The following TJP1 variants were observed in gnomAD, a reference collection of about 807,000 sequenced individuals.
TJP1 encodes the protein tight junction protein ZO-1.
Under a neutral mutation model 194.2 loss-of-function variants are expected in TJP1, and 43 were observed. The ratio of observed to expected loss-of-function variants is 0.22; its 90% confidence interval spans 0.17 to 0.29. The LOEUF (loss-of-function observed/expected upper bound fraction) is 0.29, where lower values mean the gene tolerates loss of function less well. TJP1 is among the 10% of genes least tolerant of loss of function. The pLI is 1.00. For missense variants in TJP1, 1,971 were observed against 2,185.7 expected, an observed-to-expected ratio of 0.90 and a Z score of 1.96; for synonymous variants, 801 against 779.0, an observed-to-expected ratio of 1.03 and a Z score of -0.47.
chr15:29,814,923 CAG>C (rs1432667248), intron 1 of TJP1, among the ~76,000 whole-genome samples: 3 of 152,174 alleles, frequency 2.0e-5, no homozygotes, highest in Non-Finnish European at 4.4e-5. Flanking sequence ...ACATATATGA[CAG>C]GGTTTTGTTA....
chr15:29,961,617 T>C (rs115337190), intron 1 of TJP1, among the ~76,000 whole-genome samples: 237 of 152,288 alleles, frequency 1.6e-3, no homozygotes, highest in African/African-American at 5.4e-3. Flanking sequence ...CATCAAACGC[T>C]GAAGTCCAGG....
intron 8 of TJP1, among the ~76,000 whole-genome samples, chr15:29,746,578 T>G (rs991324908): frequency 1.3e-5 from 2 of 151,914 alleles, no homozygotes; most frequent in Non-Finnish European, 2.9e-5. Context: ...GAGGGAAAAA[T>G]AGCCAAAATA....
Position 29,924,335 on chromosome 15 carries a change from T to G in TJP1, c.306+31897A>C, listed in dbSNP as rs185369104. ...ATCTGCCCATCTCGGCCTCCCAACA[T>G]GCTGGGATTACACGGATGAGCCACC... On this transcript the variant is annotated intron_variant, in intron 2 of 28. Coordinates refer to the TJP1 transcript ENST00000356107. Among the ~76,000 whole-genome samples, 120 of 152,234 alleles carry G rather than the reference T, an allele frequency of 7.9e-4. 1 individual carries two copies. Among genetic ancestry groups the G allele is most frequent in the Admixed American group, 6.9e-3 (106 of 15,282 alleles).
chr15:29,732,767 G>C lies in TJP1; in HGVS notation c.1785C>G (p.Gly595=), dbSNP rs756065514. The part of the protein sequence containing the change: ...SVQYTLPKTA[G]GDRADFWRFR... Reference sequence around the variant, plus strand: ...ATCTCCAGAAGTCAGCACGGTCTCCGCCTGCTGTTTTTGGAAGTGTATACT... The same window carrying C: ...ATCTCCAGAAGTCAGCACGGTCTCCCCCTGCTGTTTTTGGAAGTGTATACT... Residue 595 remains glycine, a synonymous_variant, in exon 14 of 28, where the codon GGC becomes GGG. Transcript: ENST00000614355. 3 of 1,613,870 alleles carry C rather than the reference G, an allele frequency of 1.9e-6. No individual in the cohort carries two copies. The highest frequency in any genetic ancestry group is 1.7e-5 in the Admixed American group (1 of 59,956).
intron 2 of TJP1, among the ~76,000 whole-genome samples, chr15:29,835,936 T>C (rs1375511760): frequency 6.6e-6 from 1 of 151,888 alleles, no homozygotes; most frequent in Non-Finnish European, 1.5e-5. Context: ...AGAGAGGAGA[T>C]AGATACCTCT....
intron 2 of TJP1, among the ~76,000 whole-genome samples, chr15:29,898,715 C>G (rs957356838): frequency 3.9e-5 from 6 of 152,150 alleles, no homozygotes; most frequent in Admixed American, 3.9e-4. Context: ...TTTTGGATTT[C>G]AGATTTTCAG....
At chr15:29,722,788 G>A (rs572352178) in intron 18 of TJP1, among the ~76,000 whole-genome samples, 87 of 152,202 alleles carry the variant, frequency 5.7e-4, no homozygotes, top group Non-Finnish European at 1.1e-3. Context: ...TGTGCCCTGC[G>A]TGGCTACAGG....
chr15:29,943,166 A>C (rs2055142941), intron 2 of TJP1, among the ~76,000 whole-genome samples: 1 of 152,194 alleles, frequency 6.6e-6, no homozygotes, highest in Non-Finnish European at 1.5e-5. Flanking sequence ...TGTAAGAGAG[A>C]GAGCGGGTGG....
At position 29,949,280 on chromosome 15, in the gene TJP1, TC is replaced by T. The variant is rs2055433341; in HGVS notation, c.306+6951del. 3.8e-4 allele frequency among the ~76,000 whole-genome samples: 14 copies of T among 36,600 alleles called. No individual in the cohort carries two copies. The South Asian group carries it at 0.016, about 42-fold the overall frequency. The allele number at this position is 36,600 out of a possible 152,430, so 24.0% of individuals were successfully genotyped here. ...CTCCACCACCACCACCTCCATCACC[TC>T]CACCGCCATCACCTCCACCACCACC... On this transcript the variant is annotated intron_variant, in intron 2 of 28. Coordinates refer to the TJP1 transcript ENST00000356107.
At chr15:29,813,468 G>A (rs968983428) in intron 1 of TJP1, among the ~76,000 whole-genome samples, 1 of 152,138 alleles carries the variant, frequency 6.6e-6, no homozygotes, top group Admixed American at 6.5e-5. Context: ...ATACCATGAA[G>A]TACAAGAACT....
intron 2 of TJP1, among the ~76,000 whole-genome samples, chr15:29,860,463 C>G (rs2052034627): frequency 6.6e-6 from 1 of 152,144 alleles, no homozygotes; most frequent in Non-Finnish European, 1.5e-5. Context: ...AATCATTAGT[C>G]TACTTTCTGT....
Position 29,720,021 on chromosome 15 carries a change from G to A in TJP1, c.2764-5C>T. ...TGGAGATGAAGCTTCTGCTTTCTGT[G>A]AAGTGTTTAAAATATTTTAAATATA... On this transcript the variant is annotated splice_polypyrimidine_tract_variant and splice_region_variant and intron_variant, in intron 19 of 27. Transcript: ENST00000614355. 1 of 1,595,336 alleles carries A rather than the reference G, an allele frequency of 6.3e-7. No individual in the cohort carries two copies. Among genetic ancestry groups the A allele is most frequent in the Non-Finnish European group, 8.5e-7 (1 of 1,173,834 alleles).
At chr15:29,771,418 A>C (rs1052950265) in intron 4 of TJP1, among the ~76,000 whole-genome samples, 4 of 152,220 alleles carry the variant, frequency 2.6e-5, no homozygotes, top group Admixed American at 6.5e-5. Context: ...TTATGGAACC[A>C]CTGTCAGATA....
intron 2 of TJP1, among the ~76,000 whole-genome samples, chr15:29,936,970 A>G (rs1479787496): frequency 6.6e-6 from 1 of 152,106 alleles, no homozygotes; most frequent in Non-Finnish European, 1.5e-5. Context: ...CATCATACCT[A>G]TGGGCAAACA....
chr15:29,742,168 GCTGGAGCC>G (rs1566937510), intron 9 of TJP1, among the ~76,000 whole-genome samples: 1 of 151,958 alleles, frequency 6.6e-6, no homozygotes, highest in Non-Finnish European at 1.5e-5. Flanking sequence ...TGGAAAGACA[GCTGGAGCC>G]CAGGAGTTTT....
chr15:29,780,366 C>T (rs538651705), intron 2 of TJP1, among the ~76,000 whole-genome samples: 3 of 152,066 alleles, frequency 2.0e-5, no homozygotes, highest in Admixed American at 6.6e-5. Flanking sequence ...CAACCTAGAT[C>T]CCTTGCATGC....
At chr15:29,947,018 A>AT (rs1308256496) in intron 2 of TJP1, among the ~76,000 whole-genome samples, 3 of 152,168 alleles carry the variant, frequency 2.0e-5, no homozygotes, top group African/African-American at 7.2e-5. Context: ...ATTTGGCTGC[A>AT]TTTTTTTGTT....
rs1253778579 is a variant in TJP1 at position 29,701,622 on chromosome 15, A to G, written c.5280T>C (p.Cys1760=). 6.2e-7 allele frequency: 1 copy of G among 1,614,130 alleles called. No homozygotes were observed. ...AAAAGTGGTCAATAAGGACAGAAACACAGTTTGCTCCAACGAGATAATTTG... is the reference window on the plus strand; with the variant it reads ...AAAAGTGGTCAATAAGGACAGAAACGCAGTTTGCTCCAACGAGATAATTTG... ...GDPNYLVGAN[C]VSVLIDHF Residue 1760 remains cysteine, a synonymous_variant, in exon 28 of 28, where the codon TGT becomes TGC. Transcript: ENST00000614355.
chr15:29,872,844 T>A (rs146572498), intron 2 of TJP1, among the ~76,000 whole-genome samples: 1 of 152,242 alleles, frequency 6.6e-6, no homozygotes, highest in Non-Finnish European at 1.5e-5. Flanking sequence ...CCACTCTGAG[T>A]GAGTCTCACA....
Sources: gnomAD v4.1 joint callset for allele counts (sites outside exome capture counted in the v4.1 genomes callset) on GRCh38, gnomAD v4.1.1 for gene constraint, MANE v1.5 for transcripts, NCBI Gene and HGNC (gene_info 2026-07-23, HGNC 2026-07-21) for gene names.